HNF1B: variants seen among roughly 807,000 people sequenced by gnomAD.
HNF1B encodes the protein hepatocyte nuclear factor 1-beta.
In HNF1B, 8 loss-of-function variants were observed where a neutral mutation model predicts 61.7. The ratio of observed to expected loss-of-function variants is 0.13; its 90% CI spans 0.08 to 0.23. The LOEUF (loss-of-function observed/expected upper bound fraction) is 0.23, where lower values mean the gene tolerates loss of function less well. Ranked by LOEUF, HNF1B falls within the 10% of genes least tolerant of loss-of-function variation. HNF1B has a pLI of 1.00. For missense variants in HNF1B, 562 were observed against 714.5 expected (o/e 0.79, Z 2.43); for synonymous variants, 314 against 287.7 (o/e 1.09, Z -0.93).
intron 4 of HNF1B, among the ~76,000 whole-genome samples, chr17:37,714,397 A>G (rs545455305): frequency 9.2e-5 from 14 of 152,372 alleles, no homozygotes; most frequent in African/African-American, 3.4e-4. Flanking sequence ...TAAAGTGAAC[A>G]TATGACAAGG....
chr17:37,742,722 G>A (rs1222441220), intron 1 of HNF1B, among the ~76,000 whole-genome samples: 1 of 151,740 alleles, frequency 6.6e-6, no homozygotes, highest in Non-Finnish European at 1.5e-5. Context: ...GGGGTCTAAG[G>A]ACCCTGGGCC....
chr17:37,687,992 CCACT>C (rs1326376429), intron 8 of HNF1B, among the ~76,000 whole-genome samples: 2 of 152,194 alleles, frequency 1.3e-5, no homozygotes, highest in Non-Finnish European at 2.9e-5. Flanking sequence ...GAGAAAATGA[CCACT>C]CAAACTACTC....
In HNF1B at chr17:37,739,650, A is replaced by C. The variant is rs200782591; in HGVS notation, c.345-11T>G. 8.1e-6 allele frequency: 13 copies of C among 1,602,982 alleles called. No individual in the cohort carries two copies. Among genetic ancestry groups the C allele is most frequent in the Non-Finnish European group, 1.1e-5 (13 of 1,173,510 alleles). On this transcript the variant is annotated splice_polypyrimidine_tract_variant and intron_variant, in intron 1 of 8. Coordinates refer to ENST00000617811, the MANE Select transcript of HNF1B (RefSeq NM_000458.4). ...CTCCAAGGGTCCTCACTAGACAGAC[A>C]AGCAGATGGTTAGGGTACTAGTGGG...
rs1172524581 is a variant in HNF1B at position 37,724,932 on chromosome 17, GTGTGTATA to G, written c.1045+6655_1045+6662del. ...TGTGTGTGTGTGTGTGTGTGTGTGT[GTGTGTATA>G]TATATATAATACATATATATGTATG... is the stretch of plus-strand genomic sequence containing the variant. On this transcript the variant is annotated intron_variant, in intron 4 of 8. Coordinates refer to ENST00000617811, the MANE Select transcript of HNF1B (RefSeq NM_000458.4). Among the ~76,000 whole-genome samples the G allele has an allele frequency of 9.3e-3, 692 of 74,500 alleles. 6 individuals carry two copies. Among genetic ancestry groups the G allele is most frequent in the East Asian group, 0.078 (215 of 2,754 alleles). The allele number at this position is 74,500 out of a possible 152,430, so 48.9% of individuals were successfully genotyped here. A position where few individuals can be genotyped will look rare whatever the true frequency, so the allele number is the denominator to read the frequency against.
At chr17:37,729,434 C>CAAAAAAA (rs5820234) in intron 4 of HNF1B, 6 of 68,584 alleles carry the variant, frequency 8.7e-5, no homozygotes, top group African/African-American at 2.0e-4. Flanking sequence ...CCCTGTCTCT[C>CAAAAAAA]AAAAAAAAAA....
chr17:37,688,332 T>G (rs2032051941), intron 8 of HNF1B, among the ~76,000 whole-genome samples: 1 of 151,714 alleles, frequency 6.6e-6, no homozygotes, highest in Admixed American at 6.6e-5. Flanking sequence ...TGCCGGCATC[T>G]AAGGTTCTGC....
intron 4 of HNF1B, chr17:37,730,933 C>T (rs2033662270): frequency 6.4e-6 from 1 of 157,228 alleles, no homozygotes; most frequent in Non-Finnish European, 1.4e-5. Flanking sequence ...ACCCAAAGCC[C>T]ACAGCAGAGG....
intron 1 of HNF1B, among the ~76,000 whole-genome samples, chr17:37,742,665 C>G (rs2034030120): frequency 6.6e-6 from 1 of 152,110 alleles, no homozygotes. Flanking sequence ...CAGTCCCTCT[C>G]CCTGCCCTGC....
intron 8 of HNF1B, among the ~76,000 whole-genome samples, chr17:37,689,520 CA>C (rs1312718604): frequency 3.3e-5 from 5 of 152,190 alleles, no homozygotes; most frequent in African/African-American, 1.2e-4. Flanking sequence ...AAAATGTTGT[CA>C]AAAGAACTAG....
intron 5 of HNF1B, among the ~76,000 whole-genome samples, chr17:37,709,686 C>T (rs1337433679): frequency 2.0e-5 from 3 of 152,182 alleles, no homozygotes; most frequent in Non-Finnish European, 4.4e-5. Flanking sequence ...ATGATATTGA[C>T]ATTTACACGA....
Position 37,711,642 on chromosome 17 carries a change from G to A in HNF1B, c.1046-979C>T, listed in dbSNP as rs537268342. ...GAAACAGTCAAGGACAAGGTTGGGGGTACATGGGGCATCTCACCCCTAAGC... is the reference window on the plus strand; with the variant it reads ...GAAACAGTCAAGGACAAGGTTGGGGATACATGGGGCATCTCACCCCTAAGC... On this transcript the variant is annotated intron_variant, in intron 4 of 8. Transcript: ENST00000617811. Among the ~76,000 whole-genome samples the A allele has an allele frequency of 3.7e-4, 57 of 152,344 alleles. 2 individuals carry two copies. In the South Asian group the frequency reaches 8.3e-3, roughly 22 times the overall value.
intron 8 of HNF1B, among the ~76,000 whole-genome samples, chr17:37,691,471 G>A (rs1315375297): frequency 6.6e-6 from 1 of 152,110 alleles, no homozygotes; most frequent in Non-Finnish European, 1.5e-5. Flanking sequence ...CCTCAACACG[G>A]GGAAATAAAT....
chr17:37,702,561 TCA>T (rs1402015184), intron 6 of HNF1B, among the ~76,000 whole-genome samples: 2 of 152,180 alleles, frequency 1.3e-5, no homozygotes, highest in African/African-American at 4.8e-5. Flanking sequence ...GCTTATGGTC[TCA>T]GTCTCCCAGA....
At chr17:37,741,160 T>C (rs755581996) in intron 1 of HNF1B, among the ~76,000 whole-genome samples, 3 of 152,152 alleles carry the variant, frequency 2.0e-5, no homozygotes, top group African/African-American at 2.4e-5. Context: ...CTGAAATAGA[T>C]ACAGCATTGC....
In HNF1B at chr17:37,686,963, T is replaced by G. The variant is rs2031989734; in HGVS notation, c.*409A>C. On this transcript the variant is annotated 3_prime_UTR_variant, in exon 9 of 9. Transcript: ENST00000617811. ...GGCAGGGGAGGGAGTCTGTGGATAT[T>G]TACAGTGTGTTTGGCTCAGTTCAAT... 2 of 397,708 alleles carry G rather than the reference T, an allele frequency of 5.0e-6. No individual in the cohort carries two copies. Among genetic ancestry groups the G allele is most frequent in the Admixed American group, 3.7e-5 (1 of 26,716 alleles). 24.6% of individuals were successfully genotyped at this position (397,708 alleles called of 1,614,324 possible).
intron 2 of HNF1B, among the ~76,000 whole-genome samples, chr17:37,736,108 T>C (rs1177014235): frequency 2.6e-5 from 4 of 152,188 alleles, no homozygotes; most frequent in African/African-American, 9.7e-5. Context: ...TCTATGGTAT[T>C]TGACTTCACA....
intron 7 of HNF1B, among the ~76,000 whole-genome samples, chr17:37,699,536 C>T (rs1198099094): frequency 6.6e-6 from 1 of 152,188 alleles, no homozygotes; most frequent in Non-Finnish European, 1.5e-5. Flanking sequence ...ATTTCCTGGT[C>T]CAGGGCACCA....
chr17:37,740,808 T>C (rs1598850203), intron 1 of HNF1B, among the ~76,000 whole-genome samples: 2 of 152,256 alleles, frequency 1.3e-5, no homozygotes, highest in Admixed American at 1.3e-4. Context: ...TCATTTCTCA[T>C]AAACACAGGT....
intron 1 of HNF1B, among the ~76,000 whole-genome samples, chr17:37,743,348 C>A (rs1314604120): frequency 6.6e-6 from 1 of 152,230 alleles, no homozygotes; most frequent in African/African-American, 2.4e-5. Flanking sequence ...AGTTCTCTCC[C>A]GGTAGGGGAG....
Sources: allele counts gnomAD v4.1 joint callset (sites outside exome capture counted in the v4.1 genomes callset), GRCh38; gene constraint gnomAD v4.1.1; transcripts MANE v1.5; gene names NCBI Gene and HGNC (gene_info 2026-07-23, HGNC 2026-07-21).